The following TMEM177 variants were observed in gnomAD, a reference collection of about 807,000 sequenced individuals.
The protein encoded by TMEM177 is transmembrane protein 177.
A neutral mutation model predicts 14.2 loss-of-function variants in TMEM177; 4 were observed. That is an observed-to-expected ratio of 0.28 (90% CI 0.14 to 0.64). The LOEUF (loss-of-function observed/expected upper bound fraction) is 0.64, where lower values mean the gene tolerates loss of function less well. Ranked by LOEUF, TMEM177 falls within the 30% of genes least tolerant of loss-of-function variation. The pLI is 0.82. For synonymous variants in TMEM177, 179 were observed against 174.5 expected (o/e 1.03, Z -0.20); for missense variants, 344 against 405.2 (o/e 0.85, Z 1.30).
chr2:119,720,966 C>A, the TMEM177 span, among the ~76,000 whole-genome samples: 3 of 152,178 alleles, frequency 2.0e-5, no homozygotes, highest in Non-Finnish European at 4.4e-5. Context: ...TTCTCCATAA[C>A]CTTCAGGTTT....
chr2:119,723,233 T>A, the TMEM177 span, among the ~76,000 whole-genome samples: 6 of 152,296 alleles, frequency 3.9e-5, no homozygotes, highest in East Asian at 1.2e-3. Flanking sequence ...TTAAATAAAT[T>A]CTTTCCCAGG....
chr2:119,696,074 G>A, the TMEM177 span, among the ~76,000 whole-genome samples: 1 of 152,174 alleles, frequency 6.6e-6, no homozygotes, highest in Non-Finnish European at 1.5e-5. Context: ...AGGCGCAAGG[G>A]GCTGTGACCA....
At chr2:119,693,428 C>T in the TMEM177 span, among the ~76,000 whole-genome samples, 4 of 152,090 alleles carry the variant, frequency 2.6e-5, no homozygotes, top group Non-Finnish European at 4.4e-5. Flanking sequence ...AAACTTCCTC[C>T]GAGAGGAAGA....
the TMEM177 span, among the ~76,000 whole-genome samples, chr2:119,692,390 G>C: frequency 6.6e-6 from 1 of 152,240 alleles, no homozygotes; most frequent in Non-Finnish European, 1.5e-5. Flanking sequence ...GAGAGATCCA[G>C]CCAGTGTGAA....
chr2:119,702,949 G>A, the TMEM177 span, among the ~76,000 whole-genome samples: 34 of 152,332 alleles, frequency 2.2e-4, 1 homozygote, highest in Middle Eastern at 6.8e-3. Flanking sequence ...TATCCTCAGA[G>A]TGGCCAATTC....
the TMEM177 span, among the ~76,000 whole-genome samples, chr2:119,711,388 GATA>G: frequency 6.6e-6 from 1 of 152,138 alleles, no homozygotes; most frequent in Non-Finnish European, 1.5e-5. Context: ...GTAAAATAAG[GATA>G]ATAATGCCTT....
At chr2:119,714,400 A>G in the TMEM177 span, among the ~76,000 whole-genome samples, 1 of 152,248 alleles carries the variant, frequency 6.6e-6, no homozygotes, top group Non-Finnish European at 1.5e-5. Context: ...GAATGCTGAA[A>G]AAGTAAATTG....
At chr2:119,701,403 T>C in the TMEM177 span, among the ~76,000 whole-genome samples, 4 of 151,766 alleles carry the variant, frequency 2.6e-5, no homozygotes, top group Non-Finnish European at 2.9e-5. Context: ...GCCTCCTAAC[T>C]GAGGCCCTGG....
At chr2:119,696,880 G>T in the TMEM177 span, among the ~76,000 whole-genome samples, 1 of 152,186 alleles carries the variant, frequency 6.6e-6, no homozygotes. Flanking sequence ...GGGCCAGATT[G>T]TATAGGGTCT....
chr2:119,709,581 G>A, the TMEM177 span, among the ~76,000 whole-genome samples: 1 of 152,174 alleles, frequency 6.6e-6, no homozygotes, highest in Non-Finnish European at 1.5e-5. Context: ...TAGCTCTTTG[G>A]GAGGCCAAGA....
At chr2:119,704,637 G>C in the TMEM177 span, among the ~76,000 whole-genome samples, 25 of 151,996 alleles carry the variant, frequency 1.6e-4, no homozygotes, top group Non-Finnish European at 3.5e-4. Context: ...GGAGGAGGAA[G>C]GTAGCTTGAT....
At chr2:119,711,643 C>A in the TMEM177 span, among the ~76,000 whole-genome samples, 2 of 152,134 alleles carry the variant, frequency 1.3e-5, no homozygotes, top group African/African-American at 4.8e-5. Flanking sequence ...AACTAAAAGC[C>A]ACCTTTGTCA....
chr2:119,720,933 CT>C, the TMEM177 span, among the ~76,000 whole-genome samples: 8 of 152,310 alleles, frequency 5.3e-5, no homozygotes, highest in Admixed American at 2.6e-4. Context: ...CTGGCTTTGT[CT>C]CCCTTCTGTT....
the TMEM177 span, among the ~76,000 whole-genome samples, chr2:119,719,116 C>G: frequency 6.6e-6 from 1 of 152,122 alleles, no homozygotes; most frequent in Non-Finnish European, 1.5e-5. Flanking sequence ...GCTTAATGGT[C>G]AACACACCCA....
downstream of TMEM177, chr2:119,685,982 A>AGCAG: frequency 2.2e-6 from 1 of 445,336 alleles, no homozygotes; most frequent in Non-Finnish European, 4.0e-6. Context: ...TGTTTAGTGC[A>AGCAG]GCAGGGGGAA....
chr2:119,713,583 T>G, the TMEM177 span, among the ~76,000 whole-genome samples: 1 of 152,200 alleles, frequency 6.6e-6, no homozygotes, highest in African/African-American at 2.4e-5. Context: ...CTCAAGCTTA[T>G]AATCTCAGCA....
At chr2:119,692,951 G>C in the TMEM177 span, among the ~76,000 whole-genome samples, 1 of 119,026 alleles carries the variant, frequency 8.4e-6, no homozygotes, top group East Asian at 2.9e-4. Context: ...CAGCCTGAGT[G>C]ACAAAGCGAG....
At chr2:119,705,684 C>T in the TMEM177 span, among the ~76,000 whole-genome samples, 5 of 145,738 alleles carry the variant, frequency 3.4e-5, no homozygotes, top group African/African-American at 1.3e-4. Flanking sequence ...TATAATGTAA[C>T]TTAATCAAGG....
chr2:119,709,062 AG>A, the TMEM177 span, among the ~76,000 whole-genome samples: 2 of 152,372 alleles, frequency 1.3e-5, no homozygotes, highest in East Asian at 3.9e-4. Flanking sequence ...ACTGAGGCCC[AG>A]GGAAGCTAAG....
Sources: gnomAD v4.1 joint callset for allele counts (sites outside exome capture counted in the v4.1 genomes callset) on GRCh38, gnomAD v4.1.1 for gene constraint, MANE v1.5 for transcripts, NCBI Gene and HGNC (gene_info 2026-07-23, HGNC 2026-07-21) for gene names.